ZNF684: variants seen among roughly 807,000 people sequenced by gnomAD.
ZNF684 encodes zinc finger protein 684, also known as hypothetical protein MGC27466.
A neutral mutation model predicts 12.8 loss-of-function variants in ZNF684; 13 were observed. That is an observed-to-expected ratio of 1.02 (90% confidence interval 0.66 to 1.62). The LOEUF (loss-of-function observed/expected upper bound fraction) is 1.62. Among genes scored for constraint, ZNF684 ranks in the 40% most tolerant of loss-of-function variants. The probability of loss-of-function intolerance (pLI) is 0.00; values close to 1 mark genes in which losing one functional copy is unlikely to be tolerated. For synonymous variants in ZNF684, 118 were observed against 151.8 expected, an observed-to-expected ratio of 0.78 and a Z score of 1.64; for missense variants, 384 against 446.9, an observed-to-expected ratio of 0.86 and a Z score of 1.27.
intron 4 of ZNF684, chr1:40,544,637 A>T (rs1646034400): frequency 6.2e-6 from 1 of 162,430 alleles, no homozygotes; most frequent in Non-Finnish European, 1.4e-5. Context: ...GGTGTGAGCC[A>T]CCGTGCCTGG....
rs183742509 is a variant in ZNF684, at chr1:40,534,471, C to T, written c.15+1290C>T. Among the ~76,000 whole-genome samples the T allele has an allele frequency of 1.4e-3, 211 of 151,394 alleles. 1 individual carries two copies. Among genetic ancestry groups the T allele is most frequent in the African/African-American group, 4.8e-3 (199 of 41,384 alleles). ...GGTCAGGCTGGTCTCGAACTCCTGA[C>T]CTCAGGTGATCCACCCATCTCAGCC... On this transcript the variant is annotated intron_variant, in intron 2 of 4. Transcript: ENST00000372699.
intron 4 of ZNF684, among the ~76,000 whole-genome samples, chr1:40,543,071 A>G (rs541384037): frequency 6.6e-6 from 1 of 151,660 alleles, no homozygotes; most frequent in Non-Finnish European, 1.5e-5. Flanking sequence ...TGATGCCATC[A>G]TAGCTCACTG....
Position 40,546,853 on chromosome 1 carries a change from A to G in ZNF684, c.530A>G (p.His177Arg), listed in dbSNP as rs140579497. 6 of 1,613,008 alleles carry G rather than the reference A, an allele frequency of 3.7e-6. No homozygotes were observed. In the Admixed American group the frequency reaches 5.0e-5, roughly 13 times the overall value. ...AFKKKFHFIR[H>R]EKNHTRKKPF... ...AAAAAGAAGTTTCATTTCATTAGAC[A>G]TGAAAAAAATCATACAAGGAAAAAA... is the stretch of plus-strand genomic sequence containing the variant. Residue 177 changes from histidine (H) to arginine (R), a missense_variant, in exon 5 of 5, where the codon CAT becomes CGT. Transcript: ENST00000372699.
chr1:40,538,979 G>C (rs1236247611), intron 2 of ZNF684, among the ~76,000 whole-genome samples: 2 of 152,038 alleles, frequency 1.3e-5, no homozygotes. Context: ...TTGAAGCCAG[G>C]AGTACAAGAG....
chr1:40,543,243 A>G (rs901407819), intron 4 of ZNF684, among the ~76,000 whole-genome samples: 28 of 152,312 alleles, frequency 1.8e-4, no homozygotes, highest in African/African-American at 6.3e-4. Flanking sequence ...TTTCTAGTTT[A>G]CATTAGATAT....
chr1:40,537,618 C>G (rs1305538990), intron 2 of ZNF684, among the ~76,000 whole-genome samples: 1 of 152,102 alleles, frequency 6.6e-6, no homozygotes, highest in African/African-American at 2.4e-5. Context: ...TGGTGCATAC[C>G]TGTAGTCCCA....
Position 40,531,689 on chromosome 1 carries a change from G to T in ZNF684, c.-123G>T. On this transcript the variant is annotated 5_prime_UTR_variant, in exon 1 of 5. Coordinates refer to ENST00000372699, the MANE Select transcript of ZNF684 (RefSeq NM_152373.4). Reference sequence around the variant, plus strand: ...TTCAATCTTCAAATCAGCGCCGCGGGAAGTGCGGGCGGGTGTTGCTCCCCT... The same window carrying T: ...TTCAATCTTCAAATCAGCGCCGCGGTAAGTGCGGGCGGGTGTTGCTCCCCT... 6.6e-6 allele frequency: 1 copy of T among 152,422 alleles called. No individual in the cohort carries two copies. 9.4% of individuals were successfully genotyped at this position (152,422 alleles called of 1,614,324 possible).
intron 2 of ZNF684, among the ~76,000 whole-genome samples, chr1:40,540,198 C>G (rs969438757): frequency 2.0e-5 from 3 of 152,086 alleles, no homozygotes. Context: ...TCACAAAAAA[C>G]TTTTTTTCTG....
chr1:40,540,764 T>G (rs1646010221), intron 3 of ZNF684, 52 bp downstream of exon 3: 2 of 1,405,500 alleles, frequency 1.4e-6, no homozygotes, highest in Admixed American at 2.5e-5. Context: ...ATACTAATAG[T>G]GCTCATTTTT....
intron 1 of ZNF684, among the ~76,000 whole-genome samples, chr1:40,532,637 C>T (rs1193419989): frequency 6.7e-6 from 1 of 150,026 alleles, no homozygotes; most frequent in African/African-American, 2.5e-5. Context: ...CTGAAGGATC[C>T]AGCTTAACAA....
rs200468567 is a variant in ZNF684, at chr1:40,543,458, C to CT, written c.238+1763dup. 3.3e-3 allele frequency among the ~76,000 whole-genome samples: 434 copies of CT among 132,690 alleles called. 2 individuals carry two copies. Among genetic ancestry groups the CT allele is most frequent in the East Asian group, 0.024 (108 of 4,572 alleles). The allele number at this position is 132,690 out of a possible 152,430, so 87.0% of individuals were successfully genotyped here. A position where few individuals can be genotyped will look rare whatever the true frequency, so the allele number is the denominator to read the frequency against. ...TTTAATGTCCACTATATACAGTTTT[C>CT]TTTTTTTTTTTTTTTCGAGACAGAG... On this transcript the variant is annotated intron_variant, in intron 4 of 4. Coordinates refer to ENST00000372699, the MANE Select transcript of ZNF684 (RefSeq NM_152373.4).
chr1:40,546,258 G>C (rs1467194261), intron 4 of ZNF684, among the ~76,000 whole-genome samples: 5 of 152,138 alleles, frequency 3.3e-5, no homozygotes, highest in Admixed American at 3.3e-4. Context: ...CCATTAATCA[G>C]ATCTCCACAA....
At position 40,543,994 on chromosome 1, in the gene ZNF684, C is replaced by CT. The variant is rs745382844; in HGVS notation, c.238+2295dup. Among the ~76,000 whole-genome samples, 701 of 143,806 alleles carry CT rather than the reference C, an allele frequency of 4.9e-3. 5 individuals are homozygous for CT. The highest frequency in any genetic ancestry group is 0.01 in the South Asian group (46 of 4,562). The allele number at this position is 143,806 out of a possible 152,430, so 94.3% of individuals were successfully genotyped here. A position where few individuals can be genotyped will look rare whatever the true frequency, so the allele number is the denominator to read the frequency against. ...GGCTTTTAAGGCCTGTTTTCTTTTT[C>CT]TTTTTTTTTTTATGATAGTGCCTGA... On this transcript the variant is annotated intron_variant, in intron 4 of 4. Transcript: ENST00000372699.
At position 40,547,458 on chromosome 1, in the gene ZNF684, T is replaced by C; in HGVS notation, c.1135T>C (p.Ter379GlnextTer15). Residue 379 changes from the stop codon to glutamine (Q), a stop_lost, in exon 5 of 5, where the codon TAA (stop) becomes CAA (glutamine). Transcript: ENST00000372699. Reference protein sequence around the residue: ...NLIVHQKIHT* With the variant: ...NLIVHQKIHTQ Reference sequence around the variant, plus strand: ...TATTGTACATCAGAAAATTCATACATAATATTCACTTTATGAATATGAGAA... The same window carrying C: ...TATTGTACATCAGAAAATTCATACACAATATTCACTTTATGAATATGAGAA... The C allele has an allele frequency of 6.3e-7, 1 of 1,592,590 alleles. No individual in the cohort carries two copies.
intron 2 of ZNF684, among the ~76,000 whole-genome samples, chr1:40,538,896 G>A (rs573654250): frequency 6.6e-6 from 1 of 151,480 alleles, no homozygotes; most frequent in Non-Finnish European, 1.5e-5. Flanking sequence ...ATGGAACTGC[G>A]TATGGAACTA....
Position 40,538,964 on chromosome 1 carries a change from A to G in ZNF684, c.16-1622A>G, listed in dbSNP as rs576249772. Reference sequence around the variant, plus strand: ...GCCTTTGGGAGGCTGAAGCAGGAAGATCACTTGAAGCCAGGAGTACAAGAG... The same window carrying G: ...GCCTTTGGGAGGCTGAAGCAGGAAGGTCACTTGAAGCCAGGAGTACAAGAG... On this transcript the variant is annotated intron_variant, in intron 2 of 4. Transcript: ENST00000372699. Among the ~76,000 whole-genome samples, 3 of 152,250 alleles carry G rather than the reference A, an allele frequency of 2.0e-5. No homozygotes were observed. The South Asian group carries it at 6.2e-4, about 32-fold the overall frequency.
chr1:40,536,653 TCCCTCCC>T (rs1645987129), intron 2 of ZNF684, among the ~76,000 whole-genome samples: 1 of 105,814 alleles, frequency 9.5e-6, no homozygotes, highest in Admixed American at 1.1e-4. Flanking sequence ...CCCAATGCTA[TCCCTCCC>T]CCCTCCCCCC....
intron 1 of ZNF684, among the ~76,000 whole-genome samples, 182 bp from the exon 2 acceptor site, chr1:40,532,961 A>G (rs1365983248): frequency 6.6e-6 from 1 of 152,222 alleles, no homozygotes; most frequent in Non-Finnish European, 1.5e-5. Context: ...TCACAAGTAG[A>G]GATCTGTGCT....
At position 40,547,850 on chromosome 1, in the gene ZNF684, C is replaced by T. The variant is rs192624892; in HGVS notation, c.*390C>T. On this transcript the variant is annotated 3_prime_UTR_variant, in exon 5 of 5. Coordinates refer to ENST00000372699, the MANE Select transcript of ZNF684 (RefSeq NM_152373.4). ...TCTGCAGTAAATAACATTTTTTCTT[C>T]CAGTCTCAACATACATAATTAATCA... is the stretch of plus-strand genomic sequence containing the variant. The T allele has an allele frequency of 1.3e-5, 2 of 155,616 alleles. No individual in the cohort carries two copies. The highest frequency in any genetic ancestry group is 3.8e-4 in the East Asian group (2 of 5,248). 9.6% of individuals were successfully genotyped at this position (155,616 alleles called of 1,614,324 possible).
Sources: gnomAD v4.1 joint callset for allele counts (sites outside exome capture counted in the v4.1 genomes callset) on GRCh38, gnomAD v4.1.1 for gene constraint, MANE v1.5 for transcripts, NCBI Gene and HGNC (gene_info 2026-07-23, HGNC 2026-07-21) for gene names.